Variants in APIP observed in about 807,000 individuals in gnomAD.
APIP encodes the protein methylthioribulose-1-phosphate dehydratase.
A neutral mutation model predicts 32.0 loss-of-function variants in APIP; 32 were observed. The observed-to-expected ratio is 1.00, with a 90% CI of 0.76 to 1.34. APIP has a LOEUF of 1.34. Among genes scored for constraint, APIP ranks in the 40% most tolerant of loss-of-function variants. APIP has a pLI of 0.00. For missense variants in APIP, 247 were observed against 298.6 expected, an observed-to-expected ratio of 0.83 and a Z score of 1.27; for synonymous variants, 92 against 94.8, an observed-to-expected ratio of 0.97 and a Z score of 0.17.
At position 34,909,775 on chromosome 11, in the gene APIP, C is replaced by T. The variant is rs79267491; in HGVS notation, c.57+6453G>A. 4.1e-3 allele frequency among the ~76,000 whole-genome samples: 620 copies of T among 152,112 alleles called. 15 individuals carry two copies. In the South Asian group the frequency reaches 0.059, roughly 15 times the overall value. ...AGGAAATGATTCCTAATAGGAGACA[C>T]GGGGAGAAGGAGAGAAATAATTATA... On this transcript the variant is annotated intron_variant, in intron 1 of 6. Transcript: ENST00000395787.
At chr11:34,906,780 G>A (rs78784327) in intron 1 of APIP, among the ~76,000 whole-genome samples, 11 of 152,262 alleles carry the variant, frequency 7.2e-5, no homozygotes, top group African/African-American at 2.4e-4. Context: ...GAACACGCAG[G>A]CTTCAGCCCC....
intron 5 of APIP, among the ~76,000 whole-genome samples, chr11:34,887,275 T>C (rs1161817651): frequency 6.6e-6 from 1 of 152,176 alleles, no homozygotes; most frequent in African/African-American, 2.4e-5. Context: ...TTCTGACCTA[T>C]TTTTATTTCC....
rs58295829 is a variant in APIP at position 34,888,602 on chromosome 11, T to C, written c.325+150A>G. 3,220 of 1,096,076 alleles carry C rather than the reference T, an allele frequency of 2.9e-3. 69 individuals carry two copies. The African/African-American group carries it at 0.047, about 16-fold the overall frequency. 67.9% of individuals were successfully genotyped at this position (1,096,076 alleles called of 1,614,324 possible). On this transcript the variant is annotated intron_variant, in intron 4 of 6. Coordinates refer to ENST00000395787, the MANE Select transcript of APIP (RefSeq NM_015957.4). The stretch of plus-strand genomic sequence containing the variant: ...TAAGTGGAATAATGGACCTTCCTCA[T>C]AGGTTGATGTGAGAACTGAGTAAGT...
In APIP at chr11:34,895,111, C is replaced by T; in HGVS notation, c.58-1G>A. On this transcript the variant is annotated splice_acceptor_variant, in intron 1 of 6. Coordinates refer to ENST00000395787, the MANE Select transcript of APIP (RefSeq NM_015957.4). LOFTEE classifies it high-confidence loss of function. ...TCAGGTATCTTGGATGCTCCTTGTCCTTAAAAAGAAGGTAATGATTTTTAA... is the reference window on the plus strand; with the variant it reads ...TCAGGTATCTTGGATGCTCCTTGTCTTTAAAAAGAAGGTAATGATTTTTAA... 1 of 1,610,556 alleles carries T rather than the reference C, an allele frequency of 6.2e-7. No individual in the cohort carries two copies. Among genetic ancestry groups the T allele is most frequent in the Non-Finnish European group, 8.5e-7 (1 of 1,176,856 alleles).
At chr11:34,897,144 G>A (rs2133913111) in intron 1 of APIP, among the ~76,000 whole-genome samples, 1 of 152,290 alleles carries the variant, frequency 6.6e-6, no homozygotes, top group African/African-American at 2.4e-5. Context: ...CAGATTTAGT[G>A]CTAATGTTCT....
intron 5 of APIP, among the ~76,000 whole-genome samples, chr11:34,884,530 GC>G (rs1853025792): frequency 6.6e-6 from 1 of 152,250 alleles, no homozygotes; most frequent in Non-Finnish European, 1.5e-5. Context: ...TTTAAAACCA[GC>G]CTGGCCAACA....
chr11:34,888,259 T>A (rs926855137), intron 5 of APIP, 34 bp downstream of exon 5: 2 of 1,496,594 alleles, frequency 1.3e-6, no homozygotes, highest in Non-Finnish European at 1.8e-6. Context: ...AAGAATTCTT[T>A]TCAAATTATT....
chr11:34,892,466 C>A, intron 2 of APIP, among the ~76,000 whole-genome samples: 1 of 152,098 alleles, frequency 6.6e-6, no homozygotes, highest in East Asian at 1.9e-4. Context: ...TATAGTGCCT[C>A]AATTATTTTG....
chr11:34,902,740 T>C (rs1206508622), intron 1 of APIP, among the ~76,000 whole-genome samples: 1 of 152,212 alleles, frequency 6.6e-6, no homozygotes, highest in Non-Finnish European at 1.5e-5. Context: ...AAAGCAAGCC[T>C]TGCTCAAGGT....
intron 1 of APIP, among the ~76,000 whole-genome samples, chr11:34,899,855 G>A (rs1853346737): frequency 6.6e-6 from 1 of 152,192 alleles, no homozygotes; most frequent in African/African-American, 2.4e-5. Context: ...TCTCCACCCT[G>A]GGTCATATAC....
At chr11:34,893,836 A>G (rs552963553) in intron 2 of APIP, among the ~76,000 whole-genome samples, 1 of 152,348 alleles carries the variant, frequency 6.6e-6, no homozygotes, top group South Asian at 2.1e-4. Flanking sequence ...TGTTCTGATT[A>G]TATTTTACAT....
intron 1 of APIP, chr11:34,916,013 G>T: frequency 3.2e-6 from 2 of 621,484 alleles, no homozygotes; most frequent in African/African-American, 3.9e-5. Context: ...TCCCGCCATC[G>T]GAGCGCCCCG....
intron 5 of APIP, among the ~76,000 whole-genome samples, chr11:34,884,366 A>G (rs1853021963): frequency 6.6e-6 from 1 of 152,240 alleles, no homozygotes; most frequent in Non-Finnish European, 1.5e-5. Flanking sequence ...TTGGCCAACC[A>G]TTATCATTAA....
intron 5 of APIP, among the ~76,000 whole-genome samples, chr11:34,886,521 G>A (rs987541941): frequency 5.3e-5 from 8 of 151,692 alleles, no homozygotes; most frequent in Non-Finnish European, 8.8e-5. Flanking sequence ...AATAAATTTC[G>A]TGTAGCCTAA....
At chr11:34,904,546 G>A (rs1117051) in intron 1 of APIP, among the ~76,000 whole-genome samples, 119,413 of 152,128 alleles carry the variant, frequency 0.78, 47,018 homozygotes, top group East Asian at 0.83. Flanking sequence ...ATGATTTTCT[G>A]TTAGATTGGG....
intron 1 of APIP, chr11:34,896,779 C>T (rs1565136119): frequency 4.7e-6 from 6 of 1,286,098 alleles, no homozygotes; most frequent in African/African-American, 1.5e-5. Flanking sequence ...GAAGTGAGCG[C>T]CAAAGCCAGA....
rs1177863883 is a variant in APIP at position 34,890,486 on chromosome 11, A to G, written c.207+18T>C. ...TAAGAAGAAAAGACACTGAGGTTAA[A>G]GAATCCCATTACCATACCTGAATTC... is the stretch of plus-strand genomic sequence containing the variant. On this transcript the variant is annotated intron_variant, in intron 3 of 6. Coordinates refer to ENST00000395787, the MANE Select transcript of APIP (RefSeq NM_015957.4). 1.9e-6 allele frequency: 3 copies of G among 1,600,612 alleles called. No homozygotes were observed. Among genetic ancestry groups the G allele is most frequent in the Non-Finnish European group, 1.7e-6 (2 of 1,174,312 alleles).
intron 1 of APIP, among the ~76,000 whole-genome samples, chr11:34,901,265 G>A (rs1283831823): frequency 2.0e-5 from 3 of 152,038 alleles, no homozygotes; most frequent in Non-Finnish European, 4.4e-5. Flanking sequence ...GAATGTCCAG[G>A]TAGCAAGACA....
At chr11:34,908,245 C>T (rs908978824) in intron 1 of APIP, among the ~76,000 whole-genome samples, 5 of 152,166 alleles carry the variant, frequency 3.3e-5, no homozygotes, top group South Asian at 4.1e-4. Flanking sequence ...CAATCACCTG[C>T]GTTAACTGCC....
Sources: gnomAD v4.1 joint callset for allele counts (sites outside exome capture counted in the v4.1 genomes callset) on GRCh38, gnomAD v4.1.1 for gene constraint, MANE v1.5 for transcripts, NCBI Gene and HGNC (gene_info 2026-07-23, HGNC 2026-07-21) for gene names.